Variants in BLTP2 observed in about 807,000 individuals in gnomAD.
BLTP2 encodes the protein U937-associated antigen.
At chr17:28,642,421 G>T in the BLTP2 span, 2 of 1,048,672 alleles carry the variant, frequency 1.9e-6, no homozygotes, top group Non-Finnish European at 3.0e-6. Context: ...GGAGGCCAAG[G>T]TGGGAGGATC....
chr17:28,618,346 G>A, the BLTP2 span, among the ~76,000 whole-genome samples: 1 of 151,796 alleles, frequency 6.6e-6, no homozygotes, highest in Admixed American at 6.6e-5. Context: ...CGAACTCCAG[G>A]GCTCAAGCAA....
chr17:28,615,987 A>C, the BLTP2 span: 1 of 1,052,274 alleles, frequency 9.5e-7, no homozygotes, highest in Admixed American at 1.9e-5. Context: ...CAGATTTATC[A>C]CCCACAGCTC....
the BLTP2 span, chr17:28,632,923 C>T: frequency 5.3e-6 from 8 of 1,499,144 alleles, no homozygotes; most frequent in South Asian, 1.4e-5. Flanking sequence ...CTCCCCACTG[C>T]CCCAGGCCCA....
the BLTP2 span, chr17:28,615,948 C>T: frequency 9.5e-7 from 1 of 1,053,860 alleles, no homozygotes. Context: ...CGTAATGATG[C>T]TGACTCTTGA....
At chr17:28,626,626 T>C in the BLTP2 span, among the ~76,000 whole-genome samples, 1 of 152,274 alleles carries the variant, frequency 6.6e-6, no homozygotes, top group East Asian at 1.9e-4. Flanking sequence ...CAATGGCCAA[T>C]GGTTTAATCA....
At chr17:28,617,042 C>T in the BLTP2 span, 13 of 1,467,908 alleles carry the variant, frequency 8.9e-6, no homozygotes, top group Admixed American at 2.3e-4. Flanking sequence ...CAATGTCCTT[C>T]CTGCCATAAA....
At chr17:28,642,332 T>C in the BLTP2 span, 2 of 1,614,140 alleles carry the variant, frequency 1.2e-6, no homozygotes, top group Non-Finnish European at 8.5e-7. Flanking sequence ...CCTCACAGAT[T>C]AGCCTGGGAA....
chr17:28,639,647 A>G, the BLTP2 span: 1 of 1,613,784 alleles, frequency 6.2e-7, no homozygotes, highest in South Asian at 1.1e-5. Context: ...ACCCATCTGT[A>G]AGAGGCCAGA....
the BLTP2 span, chr17:28,645,001 A>ACGCCCTCTTT: frequency 6.3e-7 from 1 of 1,590,432 alleles, no homozygotes; most frequent in African/African-American, 1.3e-5. Context: ...GCCTAGAAAG[A>ACGCCCTCTTT]GGGCGCTAAG....
the BLTP2 span, among the ~76,000 whole-genome samples, chr17:28,642,650 CA>C: frequency 3.3e-5 from 5 of 150,212 alleles, no homozygotes; most frequent in South Asian, 2.1e-4. Flanking sequence ...GACTCTGTCT[CA>C]AAAAAAAAAT....
chr17:28,615,976 G>C, the BLTP2 span: 4 of 1,021,558 alleles, frequency 3.9e-6, no homozygotes, highest in Non-Finnish European at 6.0e-6. Flanking sequence ...AGAGGGAACA[G>C]CAGATTTATC....
At chr17:28,631,104 A>AC in the BLTP2 span, among the ~76,000 whole-genome samples, 1 of 152,102 alleles carries the variant, frequency 6.6e-6, no homozygotes, top group Non-Finnish European at 1.5e-5. Flanking sequence ...TGAAGTCCTA[A>AC]CCCCCAATGT....
chr17:28,624,841 A>G, the BLTP2 span, among the ~76,000 whole-genome samples: 15 of 152,046 alleles, frequency 9.9e-5, no homozygotes, highest in Non-Finnish European at 1.9e-4. Flanking sequence ...TCCCAGGTCT[A>G]AGCTCCTCAG....
the BLTP2 span, chr17:28,640,320 G>A: frequency 3.9e-6 from 2 of 510,590 alleles, no homozygotes; most frequent in South Asian, 4.2e-5. Context: ...TTGAACCTGG[G>A]AGGCAGAGGT....
chr17:28,621,001 TAGG>T, the BLTP2 span: 1 of 1,614,232 alleles, frequency 6.2e-7, no homozygotes, highest in Non-Finnish European at 8.5e-7. Flanking sequence ...CCTGCTTCTT[TAGG>T]AGATCTTCCT....
the BLTP2 span, chr17:28,628,161 T>C: frequency 1.0e-6 from 1 of 978,522 alleles, no homozygotes; most frequent in African/African-American, 1.6e-5. Context: ...TTCACTTCTT[T>C]ACCTAGATAG....
chr17:28,633,106 T>C, the BLTP2 span: 2 of 1,590,886 alleles, frequency 1.3e-6, no homozygotes, highest in Non-Finnish European at 1.7e-6. Context: ...GCACAGCCAC[T>C]GCAGGTCCAG....
At chr17:28,630,465 G>GTTTT in the BLTP2 span, among the ~76,000 whole-genome samples, 32 of 93,020 alleles carry the variant, frequency 3.4e-4, no homozygotes, top group African/African-American at 9.5e-4. Flanking sequence ...AGCCCCCACT[G>GTTTT]TTTTTTTTTT....
the BLTP2 span, among the ~76,000 whole-genome samples, chr17:28,622,786 C>T: frequency 6.6e-6 from 1 of 152,170 alleles, no homozygotes; most frequent in Non-Finnish European, 1.5e-5. Context: ...CTAACAAAAA[C>T]ATTATCTTGG....
Sources: allele counts gnomAD v4.1 joint callset (sites outside exome capture counted in the v4.1 genomes callset), GRCh38; gene constraint gnomAD v4.1.1; transcripts MANE v1.5; gene names NCBI Gene and HGNC (gene_info 2026-07-23, HGNC 2026-07-21).